Variants in MFAP3L observed in about 807,000 individuals in gnomAD.
MFAP3L encodes the protein microfibrillar-associated protein 3-like.
Under a neutral mutation model 20.0 loss-of-function variants are expected in MFAP3L, and 5 were observed. That is an observed-to-expected ratio of 0.25 (90% CI 0.13 to 0.53). MFAP3L has a LOEUF of 0.53. MFAP3L is among the 20% of genes least tolerant of loss of function. MFAP3L has a pLI of 0.96. For synonymous variants in MFAP3L, 219 were observed against 213.0 expected (o/e 1.03, Z -0.25); for missense variants, 409 against 527.5 (o/e 0.78, Z 2.20).
chr4:170,026,170 C>A (rs1265239003), intron 1 of MFAP3L, 64 bp downstream of exon 1: 1 of 941,374 alleles, frequency 1.1e-6, no homozygotes, highest in Admixed American at 6.2e-5. Context: ...CGGCCGCCGA[C>A]CCGGTGCGGG....
At chr4:170,025,878 C>A (rs1202776752) in intron 1 of MFAP3L, among the ~76,000 whole-genome samples, 2 of 152,166 alleles carry the variant, frequency 1.3e-5, no homozygotes, top group Non-Finnish European at 2.9e-5. Flanking sequence ...CAGAGCCCAG[C>A]GAAAGCCCCC....
upstream of MFAP3L, chr4:170,027,183 C>T (rs1223271514): frequency 6.6e-6 from 1 of 150,824 alleles, no homozygotes; most frequent in Non-Finnish European, 1.5e-5. Context: ...GCTACACGAT[C>T]CTGCAATGTT....
chr4:169,997,657 G>T, intron 2 of MFAP3L: 1 of 947,706 alleles, frequency 1.1e-6, no homozygotes, highest in Non-Finnish European at 1.3e-6. Flanking sequence ...AGTCGCTAGT[G>T]ACATTGTTGG....
chr4:170,002,521 G>A (rs952930748), intron 2 of MFAP3L, among the ~76,000 whole-genome samples: 4 of 151,232 alleles, frequency 2.6e-5, no homozygotes, highest in Non-Finnish European at 4.4e-5. Context: ...TCTTTTTTTT[G>A]TTTTTTTCAG....
chr4:170,020,557 A>C (rs1739963376), intron 1 of MFAP3L, among the ~76,000 whole-genome samples: 1 of 151,878 alleles, frequency 6.6e-6, no homozygotes, highest in Non-Finnish European at 1.5e-5. Context: ...CGCAGGACCT[A>C]GGTGATTCTT....
In MFAP3L at chr4:170,005,742, C is replaced by T; in HGVS notation, c.136G>A (p.Val46Met). 2 of 1,614,222 alleles carry T rather than the reference C, an allele frequency of 1.2e-6. No homozygotes were observed. Among genetic ancestry groups the T allele is most frequent in the Non-Finnish European group, 1.7e-6 (2 of 1,180,042 alleles). The change falls in exon 2 of 3, where the codon GTG becomes ATG. Residue 46 changes from valine to methionine, a missense_variant. Val to Met is a conservative substitution (Grantham distance 21, BLOSUM62 1). Coordinates refer to ENST00000361618, the MANE Select transcript of MFAP3L (RefSeq NM_021647.8). ...TCAGTTCTGGCAATGATTACGGGCACAGAGCCCAAGACCACGTTAGTGCCA... is the reference window on the plus strand; with the variant it reads ...TCAGTTCTGGCAATGATTACGGGCATAGAGCCCAAGACCACGTTAGTGCCA... ...LNGTNVVLGS[V>M]PVIIARTDHI...
rs1737573335 is a variant in MFAP3L, at chr4:169,990,379, A to G, written c.*999T>C. On this transcript the variant is annotated 3_prime_UTR_variant, in exon 3 of 3. Coordinates refer to ENST00000361618, the MANE Select transcript of MFAP3L (RefSeq NM_021647.8). ...CTGGTTATATGTCATCCAACAGCAT[A>G]TGGTCCCTGCAAGCCTGTTTGGAAG... The G allele has an allele frequency of 6.6e-6, 1 of 152,460 alleles. No homozygotes were observed. The highest frequency in any genetic ancestry group is 2.4e-5 in the African/African-American group (1 of 41,460). The allele number at this position is 152,460 out of a possible 1,614,324, so 9.4% of individuals were successfully genotyped here.
Position 169,991,382 on chromosome 4 carries a change from A to G in MFAP3L, c.1226T>C (p.Val409Ala), listed in dbSNP as rs892189392. The stretch of plus-strand genomic sequence containing the variant: ...CATAGCTTTTCGGGGTTGGTATTAG[A>G]CATGGCTTTCGTAAATAATGCAGGT... Reference protein sequence around the residue: ...KNTCIIYESHV With the variant: ...KNTCIIYESHA Residue 409 changes from valine to alanine, a missense_variant, in exon 3 of 3, where the codon GTC becomes GCC. By Grantham distance (64) the Val-to-Ala change is moderately conservative. Coordinates refer to ENST00000361618, the MANE Select transcript of MFAP3L (RefSeq NM_021647.8). This position sits in a 1 kb window ranked among gnomAD's most constrained non-coding sequence, Gnocchi z 4.9. 35 of 1,613,184 alleles carry G rather than the reference A, an allele frequency of 2.2e-5. No individual in the cohort carries two copies. Among genetic ancestry groups the G allele is most frequent in the Non-Finnish European group, 2.7e-5 (32 of 1,179,506 alleles).
In MFAP3L at chr4:169,991,878, G is replaced by A. The variant is rs371611847; in HGVS notation, c.730C>T (p.Pro244Ser). 6.2e-7 allele frequency: 1 copy of A among 1,614,142 alleles called. No individual in the cohort carries two copies. The highest frequency in any genetic ancestry group is 8.5e-7 in the Non-Finnish European group (1 of 1,180,030). Reference protein sequence around the residue: ...IEELARSVPLPPLIMNCRTIM... With the variant: ...IEELARSVPLSPLIMNCRTIM... ...GTCCTGCAGTTCATAATGAGAGGCG[G>A]CAGAGGCACGCTCCTGGCAAGCTCT... Residue 244 changes from proline to serine, a missense_variant, in exon 3 of 3, where the codon CCG (proline) becomes TCG (serine). Pro to Ser is a moderately conservative substitution (Grantham distance 74). Transcript: ENST00000361618. This position sits in a 1 kb window ranked among gnomAD's most constrained non-coding sequence, Gnocchi z 4.9.
intron 2 of MFAP3L, among the ~76,000 whole-genome samples, chr4:169,994,005 A>G (rs1737943966): frequency 6.6e-6 from 1 of 152,206 alleles, no homozygotes; most frequent in African/African-American, 2.4e-5. Flanking sequence ...TTTTTCAAAT[A>G]TACAATGACC....
chr4:170,002,330 A>G (rs1034087942), intron 2 of MFAP3L: 4 of 814,490 alleles, frequency 4.9e-6, no homozygotes, highest in Non-Finnish European at 5.9e-6. Context: ...ATCTGTATAC[A>G]TGAGGATTAA....
intron 1 of MFAP3L, among the ~76,000 whole-genome samples, chr4:170,019,897 T>G (rs1482547630): frequency 6.6e-6 from 1 of 152,170 alleles, no homozygotes; most frequent in Non-Finnish European, 1.5e-5. Context: ...CAATCCAGAA[T>G]TAGGAAAGCC....
At chr4:170,024,606 T>C (rs1449941894) in intron 1 of MFAP3L, among the ~76,000 whole-genome samples, 1 of 152,210 alleles carries the variant, frequency 6.6e-6, no homozygotes, top group African/African-American at 2.4e-5. Context: ...TAGAAATAAA[T>C]TTAGGATGAG....
chr4:169,988,502 T>C lies in MFAP3L; in HGVS notation c.*2876A>G, dbSNP rs1012252758. 1.3e-5 allele frequency: 2 copies of C among 152,214 alleles called. No homozygotes were observed. The highest frequency in any genetic ancestry group is 2.9e-5 in the Non-Finnish European group (2 of 68,028). The allele number at this position is 152,214 out of a possible 1,614,324, so 9.4% of individuals were successfully genotyped here. A position where few individuals can be genotyped will look rare whatever the true frequency, so the allele number is the denominator to read the frequency against. ...AGGCTTTGGATTTAGTGTGAAGCTT[T>C]TAAAACTGCCCAAATGAGTCCAATG... On this transcript the variant is annotated 3_prime_UTR_variant, in exon 3 of 3. Transcript: ENST00000361618.
intron 2 of MFAP3L, among the ~76,000 whole-genome samples, chr4:170,003,103 A>G (rs530858679): frequency 1.3e-5 from 2 of 152,332 alleles, no homozygotes; most frequent in African/African-American, 4.8e-5. Flanking sequence ...ATATTATCCC[A>G]TGTTGCTTAT....
chr4:170,013,928 A>G (rs1351785934), intron 1 of MFAP3L, among the ~76,000 whole-genome samples: 1 of 152,236 alleles, frequency 6.6e-6, no homozygotes, highest in East Asian at 1.9e-4. Flanking sequence ...GATCCAAGGA[A>G]TTAGCCAAAT....
In MFAP3L at chr4:169,987,407, G is replaced by C. The variant is rs1290362851; in HGVS notation, c.*3971C>G. 3 of 152,124 alleles carry C rather than the reference G, an allele frequency of 2.0e-5. No homozygotes were observed. Among genetic ancestry groups the C allele is most frequent in the East Asian group, 1.9e-4 (1 of 5,192 alleles). The allele number at this position is 152,124 out of a possible 1,614,324, so 9.4% of individuals were successfully genotyped here. A position where few individuals can be genotyped will look rare whatever the true frequency, so the allele number is the denominator to read the frequency against. On this transcript the variant is annotated 3_prime_UTR_variant, in exon 3 of 3. Transcript: ENST00000361618. The stretch of plus-strand genomic sequence containing the variant: ...AAAGGGTACGTGAAGAGCGGTAAAG[G>C]AAAGTATCTGAACAATGCTGAGAAA...
At chr4:170,017,125 T>A (rs1372381603) in intron 1 of MFAP3L, among the ~76,000 whole-genome samples, 2 of 152,218 alleles carry the variant, frequency 1.3e-5, no homozygotes, top group Admixed American at 1.3e-4. Context: ...TAAAATTTCA[T>A]CTGTTTGAAA....
rs776672309 is a variant in MFAP3L at position 170,020,554 on chromosome 4, C to T, written c.-134+5680G>A. On this transcript the variant is annotated intron_variant, in intron 1 of 2. Coordinates refer to ENST00000361618, the MANE Select transcript of MFAP3L (RefSeq NM_021647.8). ...TGTGAAACTCAAGTCCTACGCAGGACCTAGGTGATTCTTCACAGTCTGACT... is the reference window on the plus strand; with the variant it reads ...TGTGAAACTCAAGTCCTACGCAGGATCTAGGTGATTCTTCACAGTCTGACT... Among the ~76,000 whole-genome samples, 174 of 152,112 alleles carry T rather than the reference C, an allele frequency of 1.1e-3. 2 individuals carry two copies. The highest frequency in any genetic ancestry group is 1.2e-3 in the Admixed American group (19 of 15,284).
Sources: allele counts gnomAD v4.1 joint callset (sites outside exome capture counted in the v4.1 genomes callset), GRCh38; gene constraint gnomAD v4.1.1; non-coding constraint Gnocchi (gnomAD v3.1); transcripts MANE v1.5; gene names NCBI Gene and HGNC (gene_info 2026-07-23, HGNC 2026-07-21).